The following GRIN3A variants were observed in gnomAD, a reference collection of about 807,000 sequenced individuals.
GRIN3A encodes glutamate ionotropic receptor NMDA type subunit 3A, also known as glutamate receptor ionotropic, NMDA 3A.
A neutral mutation model predicts 92.4 loss-of-function variants in GRIN3A; 47 were observed. The observed-to-expected ratio is 0.51, with a 90% CI of 0.40 to 0.65. The LOEUF (loss-of-function observed/expected upper bound fraction) is 0.65, where lower values mean the gene tolerates loss of function less well. GRIN3A is among the 30% of genes least tolerant of loss of function. The pLI is 0.00. For missense variants in GRIN3A, 1,324 were observed against 1,393.1 expected, an observed-to-expected ratio of 0.95 and a Z score of 0.79; for synonymous variants, 527 against 540.6, an observed-to-expected ratio of 0.97 and a Z score of 0.35.
At chr9:101,732,946 G>C (rs1004991793) in intron 1 of GRIN3A, among the ~76,000 whole-genome samples, 6 of 152,138 alleles carry the variant, frequency 3.9e-5, no homozygotes, top group Non-Finnish European at 5.9e-5. Flanking sequence ...CAACGAAAGA[G>C]GCAGATTGGG....
chr9:101,708,478 C>G (rs1038157044), intron 1 of GRIN3A, among the ~76,000 whole-genome samples: 6 of 152,068 alleles, frequency 3.9e-5, no homozygotes, highest in Non-Finnish European at 7.4e-5. Context: ...GTAGAAAGCA[C>G]TATATGAAAG....
At chr9:101,688,012 C>T (rs1169305790) in intron 1 of GRIN3A, among the ~76,000 whole-genome samples, 1 of 152,126 alleles carries the variant, frequency 6.6e-6, no homozygotes, top group Non-Finnish European at 1.5e-5. Flanking sequence ...AATTGTTGTC[C>T]TCAAGAGCAA....
chr9:101,708,435 G>T (rs1415999277), intron 1 of GRIN3A, among the ~76,000 whole-genome samples: 1 of 152,118 alleles, frequency 6.6e-6, no homozygotes, highest in African/African-American at 2.4e-5. Context: ...TTGGCACTAG[G>T]GGACTATTTT....
intron 1 of GRIN3A, among the ~76,000 whole-genome samples, chr9:101,713,864 C>A (rs935279527): frequency 6.6e-6 from 1 of 152,026 alleles, no homozygotes; most frequent in Non-Finnish European, 1.5e-5. Flanking sequence ...TTGCTTGATG[C>A]CAGGAGTTCA....
At chr9:101,678,575 T>C (rs1829428587) in intron 2 of GRIN3A, among the ~76,000 whole-genome samples, 1 of 152,158 alleles carries the variant, frequency 6.6e-6, no homozygotes, top group Non-Finnish European at 1.5e-5. Flanking sequence ...ATATGAATCA[T>C]TTGGGTCTAT....
At chr9:101,581,357 G>T (rs767778921) in intron 6 of GRIN3A, among the ~76,000 whole-genome samples, 3 of 152,178 alleles carry the variant, frequency 2.0e-5, no homozygotes, top group Non-Finnish European at 2.9e-5. Context: ...TGAAGGAAAA[G>T]TATACAAGGC....
chr9:101,696,700 C>T (rs533933316), intron 1 of GRIN3A, among the ~76,000 whole-genome samples: 3 of 152,268 alleles, frequency 2.0e-5, no homozygotes, highest in Admixed American at 1.3e-4. Context: ...GATAATTAAA[C>T]TGTCTAGCAT....
intron 8 of GRIN3A, 84 bp downstream of exon 8, chr9:101,577,684 T>G: frequency 9.8e-7 from 1 of 1,022,694 alleles, no homozygotes; most frequent in East Asian, 2.4e-5. Flanking sequence ...TAAATTGCCC[T>G]GATTTGATCT....
At chr9:101,674,607 G>A (rs900822113) in intron 2 of GRIN3A, among the ~76,000 whole-genome samples, 5 of 152,108 alleles carry the variant, frequency 3.3e-5, no homozygotes, top group Non-Finnish European at 7.4e-5. Flanking sequence ...TAAACTCAAT[G>A]TAAGCCCATA....
chr9:101,661,261 T>C (rs1392932645), intron 3 of GRIN3A, among the ~76,000 whole-genome samples: 1 of 151,876 alleles, frequency 6.6e-6, no homozygotes, highest in African/African-American at 2.4e-5. Flanking sequence ...TCATTCTTAC[T>C]TGGGTTATTA....
chr9:101,736,082 C>T (rs575148507), intron 1 of GRIN3A, among the ~76,000 whole-genome samples: 19 of 152,280 alleles, frequency 1.2e-4, no homozygotes, highest in East Asian at 5.8e-4. Context: ...GTTTTTATCT[C>T]GGCACATATA....
intron 3 of GRIN3A, among the ~76,000 whole-genome samples, chr9:101,635,647 C>G (rs1208732305): frequency 6.6e-6 from 1 of 152,198 alleles, no homozygotes; most frequent in Non-Finnish European, 1.5e-5. Context: ...TGATGACACA[C>G]CTTATTTCTA....
Position 101,598,358 on chromosome 9 carries a change from T to TA in GRIN3A, c.2766+15017dup, listed in dbSNP as rs368309198. On this transcript the variant is annotated intron_variant, in intron 6 of 8. Coordinates refer to ENST00000361820, the MANE Select transcript of GRIN3A (RefSeq NM_133445.3). ...AGACAGTTTAATGGAAAAGGAAAGATATGGAGGCTAAAATATTTGATGGTT... is the reference window on the plus strand; with the variant it reads ...AGACAGTTTAATGGAAAAGGAAAGATAATGGAGGCTAAAATATTTGATGGTT... Among the ~76,000 whole-genome samples the TA allele has an allele frequency of 6.5e-4, 99 of 152,296 alleles. 1 individual carries two copies. Among genetic ancestry groups the TA allele is most frequent in the Admixed American group, 5.2e-4 (8 of 15,290 alleles).
At chr9:101,599,286 G>A (rs552696773) in intron 6 of GRIN3A, among the ~76,000 whole-genome samples, 20 of 152,236 alleles carry the variant, frequency 1.3e-4, no homozygotes, top group African/African-American at 4.8e-4. Context: ...GACAGTATTA[G>A]GAAGATGGTA....
rs72745366 is a variant in GRIN3A at position 101,652,680 on chromosome 9, T to A, written c.2352+17380A>T. Among the ~76,000 whole-genome samples the A allele has an allele frequency of 1.1e-3, 163 of 152,120 alleles. 1 individual carries two copies. The highest frequency in any genetic ancestry group is 3.4e-3 in the Middle Eastern group (1 of 294). On this transcript the variant is annotated intron_variant, in intron 3 of 8. Transcript: ENST00000361820. ...CCAACTCCCTTGAACTAGGGACACC[T>A]TGGACTGGTGCAGCCTAGTTAGCTT...
chr9:101,619,228 T>C (rs1207911436), intron 5 of GRIN3A, among the ~76,000 whole-genome samples: 1 of 152,162 alleles, frequency 6.6e-6, no homozygotes, highest in Non-Finnish European at 1.5e-5. Flanking sequence ...ATTTATTCAA[T>C]TTTGCAGTCT....
intron 6 of GRIN3A, among the ~76,000 whole-genome samples, chr9:101,604,190 G>A (rs185849484): frequency 6.6e-6 from 1 of 152,042 alleles, no homozygotes; most frequent in African/African-American, 2.4e-5. Flanking sequence ...GAGGGAGAAA[G>A]AGAGAAAGAA....
In GRIN3A at chr9:101,737,792, C is replaced by A; in HGVS notation, c.188G>T (p.Arg63Leu). 2.6e-6 allele frequency: 4 copies of A among 1,528,046 alleles called. No homozygotes were observed. The highest frequency in any genetic ancestry group is 3.5e-6 in the Non-Finnish European group (4 of 1,143,792). The allele number at this position is 1,528,046 out of a possible 1,614,324, so 94.7% of individuals were successfully genotyped here. Residue 63 changes from arginine to leucine, a missense_variant, in exon 1 of 9, where the codon CGC becomes CTC. Coordinates refer to ENST00000361820, the MANE Select transcript of GRIN3A (RefSeq NM_133445.3). ...GTCGTCCGGAGCGCGGCTGGCCGCG[C>A]GGGGGGCGGTGGTCCAGGGCTGCAA... ...VHLQPWTTAP[R>L]AASRAPDDSR...
intron 1 of GRIN3A, among the ~76,000 whole-genome samples, chr9:101,733,152 A>T (rs370843415): frequency 1.1e-4 from 17 of 152,318 alleles, no homozygotes; most frequent in African/African-American, 2.2e-4. Context: ...AGCTGATTCG[A>T]TCATAAATTA....
Sources: gnomAD v4.1 joint callset for allele counts (sites outside exome capture counted in the v4.1 genomes callset) on GRCh38, gnomAD v4.1.1 for gene constraint, MANE v1.5 for transcripts, NCBI Gene and HGNC (gene_info 2026-07-23, HGNC 2026-07-21) for gene names.